The following GNA14 variants were observed in gnomAD, a reference collection of about 807,000 sequenced individuals.
GNA14 encodes G protein subunit alpha 14, also known as guanine nucleotide-binding protein subunit alpha-14.
A neutral mutation model predicts 42.0 loss-of-function variants in GNA14; 50 were observed. That is an observed-to-expected ratio of 1.19 (90% CI 0.95 to 1.51). The LOEUF (loss-of-function observed/expected upper bound fraction) is 1.51, where lower values mean the gene tolerates loss of function less well. GNA14 is among the 40% of genes most tolerant of loss of function. The pLI, the probability that GNA14 is intolerant of heterozygous loss-of-function variation, is 0.00. For missense variants in GNA14, 473 were observed against 446.2 expected (o/e 1.06, Z -0.54); for synonymous variants, 173 against 163.1 (o/e 1.06, Z -0.46).
chr9:77,429,260 T>C (rs890137935), intron 4 of GNA14, among the ~76,000 whole-genome samples: 5 of 152,216 alleles, frequency 3.3e-5, no homozygotes, highest in Admixed American at 6.5e-5. Flanking sequence ...ATGACATTTC[T>C]GAAGACATGC....
intron 2 of GNA14, among the ~76,000 whole-genome samples, chr9:77,441,940 G>A (rs2131697512): frequency 6.6e-6 from 1 of 152,306 alleles, no homozygotes; most frequent in Non-Finnish European, 1.5e-5. Flanking sequence ...AGAGAAAGGA[G>A]TTTTTCCTAT....
chr9:77,554,058 G>C (rs1305174363), intron 1 of GNA14, among the ~76,000 whole-genome samples: 1 of 152,136 alleles, frequency 6.6e-6, no homozygotes, highest in African/African-American at 2.4e-5. Context: ...TAAAGGTTAA[G>C]AGGGGTACCT....
At chr9:77,605,278 G>C (rs1312547103) in intron 1 of GNA14, among the ~76,000 whole-genome samples, 1 of 152,220 alleles carries the variant, frequency 6.6e-6, no homozygotes, top group Non-Finnish European at 1.5e-5. Context: ...TCCTTGGGTG[G>C]AAAGATGCAA....
At chr9:77,586,289 A>G (rs1204413673) in intron 1 of GNA14, among the ~76,000 whole-genome samples, 1 of 152,240 alleles carries the variant, frequency 6.6e-6, no homozygotes, top group East Asian at 1.9e-4. Flanking sequence ...TACTATATAA[A>G]GATCTCTCAC....
intron 2 of GNA14, among the ~76,000 whole-genome samples, chr9:77,437,242 T>C (rs1167881127): frequency 6.6e-6 from 1 of 152,194 alleles, no homozygotes; most frequent in Non-Finnish European, 1.5e-5. Flanking sequence ...ATCACTTGTC[T>C]CTTTTGAAAA....
chr9:77,611,944 TA>T (rs769122650), intron 1 of GNA14, among the ~76,000 whole-genome samples: 22 of 152,026 alleles, frequency 1.4e-4, no homozygotes, highest in Non-Finnish European at 2.8e-4. Flanking sequence ...CCCCAAAATG[TA>T]AAGTACTAAG....
chr9:77,537,052 G>A (rs1837607144), intron 1 of GNA14, among the ~76,000 whole-genome samples: 1 of 152,188 alleles, frequency 6.6e-6, no homozygotes, highest in African/African-American at 2.4e-5. Flanking sequence ...CCATCACCTT[G>A]AGTATTTATC....
chr9:77,445,037 G>A (rs1402873131), intron 2 of GNA14, among the ~76,000 whole-genome samples: 1 of 152,302 alleles, frequency 6.6e-6, no homozygotes, highest in East Asian at 1.9e-4. Context: ...CACGAATGCT[G>A]AGCTCAAAGG....
At chr9:77,434,228 GGA>G (rs1835604443) in intron 3 of GNA14, 138 bp downstream of exon 3, 2 of 726,834 alleles carry the variant, frequency 2.8e-6, no homozygotes, top group African/African-American at 1.8e-5. Context: ...TAAGAGGTCA[GGA>G]GGGATATGGG....
At chr9:77,487,985 T>C (rs921673760) in intron 2 of GNA14, among the ~76,000 whole-genome samples, 1 of 151,972 alleles carries the variant, frequency 6.6e-6, no homozygotes, top group African/African-American at 2.4e-5. Flanking sequence ...TCACATTTGA[T>C]ACCAGGACCA....
chr9:77,617,030 C>T (rs1345258334), intron 1 of GNA14, among the ~76,000 whole-genome samples: 3 of 151,972 alleles, frequency 2.0e-5, no homozygotes, highest in East Asian at 1.9e-4. Flanking sequence ...CCACCACGAC[C>T]GGTTAATTTT....
At chr9:77,644,164 C>A (rs1452411051) in intron 1 of GNA14, among the ~76,000 whole-genome samples, 13 of 151,952 alleles carry the variant, frequency 8.6e-5, no homozygotes, top group Non-Finnish European at 5.9e-5. Context: ...GAACTGGTAT[C>A]CTTATAAGAA....
chr9:77,479,537 T>G (rs181267939), intron 2 of GNA14, among the ~76,000 whole-genome samples: 1 of 152,314 alleles, frequency 6.6e-6, no homozygotes, highest in African/African-American at 2.4e-5. Context: ...AACTTTAAAG[T>G]AGTTTTATCC....
At chr9:77,549,221 A>G (rs1837760777) in intron 1 of GNA14, among the ~76,000 whole-genome samples, 2 of 152,200 alleles carry the variant, frequency 1.3e-5, no homozygotes. Flanking sequence ...GGCGTGAGCC[A>G]CCGTGCCCAG....
At chr9:77,581,358 T>C (rs1823221502) in intron 1 of GNA14, among the ~76,000 whole-genome samples, 1 of 152,208 alleles carries the variant, frequency 6.6e-6, no homozygotes, top group Non-Finnish European at 1.5e-5. Context: ...GGCACCACCA[T>C]TTCCTAGCTA....
chr9:77,428,490 GGTGCTTTTTAAAAAT>G (rs1835490931), intron 5 of GNA14, among the ~76,000 whole-genome samples: 1 of 151,906 alleles, frequency 6.6e-6, no homozygotes, highest in Non-Finnish European at 1.5e-5. Context: ...ATTCACCTGG[GGTGCTTTTTAAAAAT>G]CCCCCCACTC....
chr9:77,470,603 G>C (rs550268857), intron 2 of GNA14, among the ~76,000 whole-genome samples: 15 of 152,324 alleles, frequency 9.8e-5, no homozygotes, highest in African/African-American at 3.6e-4. Context: ...CAGAGGATTA[G>C]AAAGTACATT....
At chr9:77,457,391 T>C (rs1173600622) in intron 2 of GNA14, among the ~76,000 whole-genome samples, 1 of 152,244 alleles carries the variant, frequency 6.6e-6, no homozygotes, top group Non-Finnish European at 1.5e-5. Flanking sequence ...TACATAAAAA[T>C]TGACAAGAGA....
chr9:77,499,641 A>G (rs936123256), intron 2 of GNA14, among the ~76,000 whole-genome samples: 18 of 152,244 alleles, frequency 1.2e-4, no homozygotes, highest in African/African-American at 4.3e-4. Context: ...AGCTGAGGCC[A>G]GGAGTTCAAG....
Sources: allele counts gnomAD v4.1 joint callset (sites outside exome capture counted in the v4.1 genomes callset), GRCh38; gene constraint gnomAD v4.1.1; transcripts MANE v1.5; gene names NCBI Gene and HGNC (gene_info 2026-07-23, HGNC 2026-07-21).